RCL1: variants seen among roughly 807,000 people sequenced by gnomAD.
The protein encoded by RCL1 is RNA terminal phosphate cyclase like 1.
In RCL1, 24 loss-of-function variants were observed where a neutral mutation model predicts 42.4. The observed-to-expected ratio is 0.57, with a 90% CI of 0.41 to 0.80. RCL1 has a LOEUF of 0.80. Among genes scored for constraint, RCL1 ranks in the 30% least tolerant of loss-of-function variants. RCL1 has a pLI of 0.00. For synonymous variants in RCL1, 228 were observed against 177.3 expected, an observed-to-expected ratio of 1.29 and a Z score of -2.27; for missense variants, 578 against 467.9, an observed-to-expected ratio of 1.24 and a Z score of -2.17.
intron 1 of RCL1, among the ~76,000 whole-genome samples, chr9:4,818,920 A>T (rs77124242): frequency 6.6e-6 from 1 of 152,184 alleles, no homozygotes; most frequent in African/African-American, 2.4e-5. Context: ...TTATATATAT[A>T]ACTTTTAAAC....
chr9:4,831,027 C>G (rs1816925737), intron 3 of RCL1, among the ~76,000 whole-genome samples: 1 of 152,136 alleles, frequency 6.6e-6, no homozygotes. Context: ...GGCCCAGCCT[C>G]TCATTTTACG....
chr9:4,833,772 A>G (rs1456901534), intron 4 of RCL1, among the ~76,000 whole-genome samples: 1 of 152,190 alleles, frequency 6.6e-6, no homozygotes, highest in Non-Finnish European at 1.5e-5. Context: ...TTTTTATTTA[A>G]TAATGTTTTG....
At chr9:4,797,940 C>T (rs569085310) in intron 1 of RCL1, among the ~76,000 whole-genome samples, 4 of 152,242 alleles carry the variant, frequency 2.6e-5, no homozygotes, top group East Asian at 1.9e-4. Context: ...TTTATGCTTC[C>T]GTTTTGAGGA....
rs915918124 is a variant in RCL1 at position 4,841,331 on chromosome 9, T to C, written c.684T>C (p.Asp228=). ...KFIPDIYIYT[D]HMKGVNSGKS... ...TACCTGATATCTATATTTACACAGA[T>C]CACATGAAAGGAGTCAACTCTGGGA... The change falls in exon 6 of 9, where the codon GAT becomes GAC. Residue 228 remains aspartate (D), a synonymous_variant. Transcript: ENST00000381750. The C allele has an allele frequency of 6.2e-7, 1 of 1,613,328 alleles. No homozygotes were observed. The highest frequency in any genetic ancestry group is 8.5e-7 in the Non-Finnish European group (1 of 1,179,294).
intron 1 of RCL1, among the ~76,000 whole-genome samples, chr9:4,797,971 C>G (rs1029165878): frequency 4.6e-5 from 7 of 152,180 alleles, no homozygotes; most frequent in Admixed American, 3.9e-4. Flanking sequence ...TTAAGTTTAT[C>G]TCATTGTACT....
intron 1 of RCL1, among the ~76,000 whole-genome samples, chr9:4,807,539 GAC>G (rs990714157): frequency 2.9e-4 from 44 of 151,862 alleles, no homozygotes; most frequent in Admixed American, 2.9e-3. Flanking sequence ...ATTTTTTTGA[GAC>G]AGAGTTTCAC....
chr9:4,826,325 T>A (rs932454494), intron 2 of RCL1, among the ~76,000 whole-genome samples: 1 of 152,192 alleles, frequency 6.6e-6, no homozygotes, highest in Non-Finnish European at 1.5e-5. Flanking sequence ...AGCCGTAAAA[T>A]AATATTAGGC....
intron 1 of RCL1, among the ~76,000 whole-genome samples, chr9:4,805,761 G>C (rs1201382394): frequency 1.3e-5 from 2 of 152,140 alleles, no homozygotes; most frequent in Non-Finnish European, 2.9e-5. Context: ...CATTCTTGGT[G>C]CTGCGACTGC....
intron 1 of RCL1, among the ~76,000 whole-genome samples, chr9:4,809,635 G>GA (rs1294672764): frequency 1.3e-5 from 2 of 152,056 alleles, no homozygotes; most frequent in African/African-American, 2.4e-5. Context: ...AAAAGAAATA[G>GA]AAAAAATGGA....
intron 1 of RCL1, among the ~76,000 whole-genome samples, chr9:4,817,326 A>G (rs1305190913): frequency 1.3e-5 from 2 of 152,008 alleles, no homozygotes; most frequent in African/African-American, 4.8e-5. Flanking sequence ...AGAATCGTTT[A>G]CCATAAAGCT....
In RCL1 at chr9:4,826,920, G is replaced by A. The variant is rs150920079; in HGVS notation, c.271G>A (p.Val91Ile). The A allele has an allele frequency of 8.4e-5, 135 of 1,614,062 alleles. No homozygotes were observed. Among genetic ancestry groups the A allele is most frequent in the African/African-American group, 4.0e-4 (30 of 75,018 alleles). Residue 91 changes from valine (V) to isoleucine (I), a missense_variant, in exon 3 of 9, where the codon GTC (valine) becomes ATC (isoleucine). Val to Ile is a conservative substitution (Grantham distance 29). Transcript: ENST00000381750. ...YGGSVEHDCS[V>I]LRGIGYYLES... ...TGGATCTGTGGAACATGACTGTAGC[G>A]TCCTTCGTGGCATTGGGTATTACCT...
At chr9:4,832,179 T>C (rs1816963194) in intron 3 of RCL1, among the ~76,000 whole-genome samples, 1 of 152,270 alleles carries the variant, frequency 6.6e-6, no homozygotes, top group African/African-American at 2.4e-5. Context: ...CCAGACTTCC[T>C]GGGAGCTCTG....
chr9:4,820,873 C>T (rs1816572208), intron 1 of RCL1, among the ~76,000 whole-genome samples: 1 of 152,188 alleles, frequency 6.6e-6, no homozygotes, highest in South Asian at 2.1e-4. Context: ...TACATCACAA[C>T]CTATTACACA....
chr9:4,840,932 C>T (rs1006352461), intron 5 of RCL1, among the ~76,000 whole-genome samples: 17 of 152,176 alleles, frequency 1.1e-4, no homozygotes, highest in Non-Finnish European at 2.4e-4. Context: ...TTTACACCTT[C>T]CAAAATTGAC....
intron 8 of RCL1, among the ~76,000 whole-genome samples, chr9:4,856,239 A>G (rs1364943912): frequency 3.9e-5 from 6 of 152,168 alleles, no homozygotes; most frequent in Non-Finnish European, 8.8e-5. Context: ...GGTGGGATGG[A>G]TAGAAAGCAA....
chr9:4,803,888 T>A (rs1843049521), intron 1 of RCL1: 1 of 154,016 alleles, frequency 6.5e-6, no homozygotes. Context: ...TTGGCAATAG[T>A]GCCTGGTCAG....
At chr9:4,818,640 T>C (rs1816478789) in intron 1 of RCL1, among the ~76,000 whole-genome samples, 1 of 152,088 alleles carries the variant, frequency 6.6e-6, no homozygotes, top group South Asian at 2.1e-4. Context: ...CCCAGCACTT[T>C]GGGAGGCTGA....
At chr9:4,803,619 A>C (rs1274826968) in intron 1 of RCL1, among the ~76,000 whole-genome samples, 1 of 151,830 alleles carries the variant, frequency 6.6e-6, no homozygotes, top group Non-Finnish European at 1.5e-5. Flanking sequence ...TGGATTCCTA[A>C]TTTTTCTTGA....
intron 7 of RCL1, among the ~76,000 whole-genome samples, chr9:4,847,957 G>A (rs116321500): frequency 6.6e-6 from 1 of 152,138 alleles, no homozygotes; most frequent in Non-Finnish European, 1.5e-5. Context: ...TATCTGGCAG[G>A]TGACACCTCC....
Sources: gnomAD v4.1 joint callset for allele counts (sites outside exome capture counted in the v4.1 genomes callset) on GRCh38, gnomAD v4.1.1 for gene constraint, MANE v1.5 for transcripts, NCBI Gene and HGNC (gene_info 2026-07-23, HGNC 2026-07-21) for gene names.